The following SLC24A3 variants were observed in gnomAD, a reference collection of about 807,000 sequenced individuals.
SLC24A3 encodes the protein solute carrier family 24 member 3.
A neutral mutation model predicts 75.8 loss-of-function variants in SLC24A3; 28 were observed. The ratio of observed to expected loss-of-function variants is 0.37; its 90% confidence interval spans 0.27 to 0.51. The LOEUF is 0.51. Ranked by LOEUF, SLC24A3 falls within the 20% of genes least tolerant of loss-of-function variation. The pLI, the probability that SLC24A3 is intolerant of heterozygous loss-of-function variation, is 0.94. For synonymous variants in SLC24A3, 372 were observed against 334.1 expected (o/e 1.11, Z -1.24); for missense variants, 663 against 847.8 (o/e 0.78, Z 2.71).
intron 2 of SLC24A3, among the ~76,000 whole-genome samples, chr20:19,424,901 C>A (rs925674555): frequency 2.0e-5 from 3 of 152,052 alleles, no homozygotes; most frequent in African/African-American, 7.2e-5. Flanking sequence ...GTTAAATTTT[C>A]TGAATTATCC....
chr20:19,268,658 A>C (rs1983237025), intron 1 of SLC24A3, among the ~76,000 whole-genome samples: 1 of 152,204 alleles, frequency 6.6e-6, no homozygotes, highest in Admixed American at 6.5e-5. Flanking sequence ...AAGTCCATGT[A>C]TCTTCCCATG....
intron 15 of SLC24A3, among the ~76,000 whole-genome samples, chr20:19,705,368 G>A (rs1375827037): frequency 2.0e-5 from 3 of 152,098 alleles, no homozygotes; most frequent in Non-Finnish European, 4.4e-5. Flanking sequence ...TCTTCAAGTG[G>A]TCGATTCCTC....
At chr20:19,719,215 A>G (rs2033075112) in intron 16 of SLC24A3, among the ~76,000 whole-genome samples, 1 of 152,200 alleles carries the variant, frequency 6.6e-6, no homozygotes, top group African/African-American at 2.4e-5. Flanking sequence ...GTTAATAGAG[A>G]ATGAAAGGAG....
At chr20:19,673,793 CTGT>C in intron 9 of SLC24A3, 139 bp downstream of exon 9, 1 of 687,424 alleles carries the variant, frequency 1.5e-6, no homozygotes, top group South Asian at 1.8e-5. Context: ...CCCTGCCAGA[CTGT>C]TGTGAGTCAC....
intron 2 of SLC24A3, among the ~76,000 whole-genome samples, chr20:19,434,809 T>A (rs1251217587): frequency 2.6e-5 from 4 of 151,874 alleles, no homozygotes; most frequent in African/African-American, 9.7e-5. Flanking sequence ...GAGAGTCACA[T>A]GTGCAGGGTA....
chr20:19,589,320 A>C (rs1342426126), intron 6 of SLC24A3, among the ~76,000 whole-genome samples: 1 of 152,238 alleles, frequency 6.6e-6, no homozygotes, highest in African/African-American at 2.4e-5. Context: ...TATCTCATGT[A>C]AGGAGGCGGG....
intron 9 of SLC24A3, among the ~76,000 whole-genome samples, chr20:19,677,194 G>A (rs1211550465): frequency 2.6e-5 from 4 of 151,520 alleles, no homozygotes; most frequent in Non-Finnish European, 5.9e-5. Context: ...GCACTGTAGT[G>A]CATGCCTGTG....
chr20:19,600,320 CAT>C (rs2031512902), intron 6 of SLC24A3, among the ~76,000 whole-genome samples: 2 of 152,168 alleles, frequency 1.3e-5, no homozygotes, highest in African/African-American at 4.8e-5. Context: ...TCATCATATT[CAT>C]ATGAAGGCTT....
intron 2 of SLC24A3, among the ~76,000 whole-genome samples, chr20:19,288,303 C>G (rs1000429645): frequency 1.3e-5 from 2 of 152,312 alleles, no homozygotes; most frequent in East Asian, 3.9e-4. Flanking sequence ...GGATTTTCTA[C>G]TTTATACTAA....
intron 2 of SLC24A3, among the ~76,000 whole-genome samples, chr20:19,322,445 C>A (rs900555144): frequency 7.0e-6 from 1 of 142,782 alleles, no homozygotes; most frequent in Non-Finnish European, 1.5e-5. Flanking sequence ...CGTTTTTAAT[C>A]CATTACCTTC....
chr20:19,229,479 C>A (rs1223272035), intron 1 of SLC24A3, among the ~76,000 whole-genome samples: 1 of 152,098 alleles, frequency 6.6e-6, no homozygotes, highest in Non-Finnish European at 1.5e-5. Flanking sequence ...GCTTTAGACT[C>A]AAACTATAAG....
intron 2 of SLC24A3, among the ~76,000 whole-genome samples, chr20:19,495,939 T>C (rs540392763): frequency 1.1e-4 from 16 of 152,282 alleles, no homozygotes; most frequent in African/African-American, 3.6e-4. Flanking sequence ...GTTTGGCTCT[T>C]TGGATCTGAG....
At chr20:19,614,918 T>C (rs538751643) in intron 6 of SLC24A3, among the ~76,000 whole-genome samples, 2 of 152,316 alleles carry the variant, frequency 1.3e-5, no homozygotes, top group Non-Finnish European at 2.9e-5. Context: ...GACGTGTGTG[T>C]GTGGGTATGT....
At chr20:19,261,376 T>C (rs1982981518) in intron 1 of SLC24A3, among the ~76,000 whole-genome samples, 1 of 152,160 alleles carries the variant, frequency 6.6e-6, no homozygotes, top group Non-Finnish European at 1.5e-5. Flanking sequence ...TCTCACTCTC[T>C]TCCAGGCTGG....
chr20:19,527,335 G>A (rs1229671477), intron 3 of SLC24A3, among the ~76,000 whole-genome samples: 1 of 152,196 alleles, frequency 6.6e-6, no homozygotes, highest in Non-Finnish European at 1.5e-5. Context: ...CACCTTGCAT[G>A]GAAGAAGTGC....
intron 2 of SLC24A3, among the ~76,000 whole-genome samples, chr20:19,286,757 A>G (rs1376420951): frequency 6.6e-6 from 1 of 152,278 alleles, no homozygotes; most frequent in East Asian, 1.9e-4. Flanking sequence ...TTACAAAAGT[A>G]CAAAGAAACA....
At chr20:19,371,158 G>A (rs976770203) in intron 2 of SLC24A3, among the ~76,000 whole-genome samples, 1 of 152,150 alleles carries the variant, frequency 6.6e-6, no homozygotes, top group Non-Finnish European at 1.5e-5. Flanking sequence ...TGGGATTCTG[G>A]AAAGCAGTGT....
intron 3 of SLC24A3, among the ~76,000 whole-genome samples, chr20:19,544,303 C>G (rs2030551254): frequency 6.6e-6 from 1 of 152,190 alleles, no homozygotes; most frequent in Admixed American, 6.5e-5. Flanking sequence ...GCCCAGTGTG[C>G]ACGTGGCCCT....
intron 2 of SLC24A3, among the ~76,000 whole-genome samples, chr20:19,477,814 C>T (rs540742251): frequency 6.6e-6 from 1 of 152,310 alleles, no homozygotes; most frequent in Non-Finnish European, 1.5e-5. Flanking sequence ...CCTACTGACT[C>T]TACCCTGTGT....
Sources: allele counts gnomAD v4.1 joint callset (sites outside exome capture counted in the v4.1 genomes callset), GRCh38; gene constraint gnomAD v4.1.1; transcripts MANE v1.5; gene names NCBI Gene and HGNC (gene_info 2026-07-23, HGNC 2026-07-21).